DNAAF9: variants seen among roughly 807,000 people sequenced by gnomAD.
DNAAF9 encodes the protein dynein axonemal assembly factor 9, also known as shulin.
In DNAAF9, 90 loss-of-function variants were observed where a neutral mutation model predicts 167.0. That is an observed-to-expected ratio of 0.54 (90% CI 0.45 to 0.64). The LOEUF (loss-of-function observed/expected upper bound fraction) is 0.64, where lower values mean the gene tolerates loss of function less well. DNAAF9 is among the 30% of genes least tolerant of loss of function. The pLI is 0.00. For synonymous variants in DNAAF9, 491 were observed against 508.8 expected, an observed-to-expected ratio of 0.96 and a Z score of 0.47; for missense variants, 1,315 against 1,442.2, an observed-to-expected ratio of 0.91 and a Z score of 1.43.
chr20:3,395,650 T>C (rs919169595), intron 1 of DNAAF9, among the ~76,000 whole-genome samples: 5 of 152,156 alleles, frequency 3.3e-5, no homozygotes, highest in Non-Finnish European at 5.9e-5. Flanking sequence ...TGCTGGGAAT[T>C]TGTATTATAA....
At chr20:3,270,155 T>TA (rs397696264) in intron 30 of DNAAF9, among the ~76,000 whole-genome samples, 2 of 148,776 alleles carry the variant, frequency 1.3e-5, no homozygotes, top group Non-Finnish European at 3.0e-5. Flanking sequence ...TTTTTTTTTT[T>TA]AAAGAGATGG....
intron 6 of DNAAF9, among the ~76,000 whole-genome samples, chr20:3,369,986 T>G (rs1352365324): frequency 6.6e-6 from 1 of 152,146 alleles, no homozygotes; most frequent in African/African-American, 2.4e-5. Context: ...AAAAAAAAAT[T>G]GATCTTTTTC....
At chr20:3,394,872 C>T (rs1465864252) in intron 1 of DNAAF9, among the ~76,000 whole-genome samples, 2 of 146,570 alleles carry the variant, frequency 1.4e-5, no homozygotes, top group African/African-American at 5.0e-5. Context: ...ATACAGATTA[C>T]TTTTATAGCT....
rs1189493137 is a variant in DNAAF9, at chr20:3,251,547, C to T, written c.*1025G>A. 7.2e-5 allele frequency: 11 copies of T among 152,220 alleles called. No homozygotes were observed. Among genetic ancestry groups the T allele is most frequent in the Admixed American group, 7.2e-4 (11 of 15,262 alleles). The allele number at this position is 152,220 out of a possible 1,614,324, so 9.4% of individuals were successfully genotyped here. ...GATGCCATTAGAAGGAATTCTAACT[C>T]AGGTATTGCAATTATTTGAAATTCC... On this transcript the variant is annotated 3_prime_UTR_variant, in exon 37 of 37. Coordinates refer to ENST00000252032, the MANE Select transcript of DNAAF9 (RefSeq NM_001009984.3).
chr20:3,396,671 A>G (rs1379275799), intron 1 of DNAAF9, among the ~76,000 whole-genome samples: 1 of 152,178 alleles, frequency 6.6e-6, no homozygotes, highest in Non-Finnish European at 1.5e-5. Context: ...AGCACAAGCT[A>G]TGCAGCAAGG....
At position 3,361,810 on chromosome 20, in the gene DNAAF9, A is replaced by G. The variant is rs139465992; in HGVS notation, c.613-2217T>C. 139 of 1,334,652 alleles carry G rather than the reference A, an allele frequency of 1.0e-4. No homozygotes were observed. The East Asian group carries it at 3.0e-3, about 28-fold the overall frequency. 82.7% of individuals were successfully genotyped at this position (1,334,652 alleles called of 1,614,324 possible). On this transcript the variant is annotated intron_variant, in intron 6 of 36. Coordinates refer to ENST00000252032, the MANE Select transcript of DNAAF9 (RefSeq NM_001009984.3). ...ACAAGACATATCTAGAAAATTTACT[A>G]CTGAAAAATGAAGACTGCTTAAATC... is the stretch of plus-strand genomic sequence containing the variant.
intron 21 of DNAAF9, among the ~76,000 whole-genome samples, chr20:3,298,847 A>T (rs1223801879): frequency 6.6e-6 from 1 of 151,822 alleles, no homozygotes; most frequent in East Asian, 1.9e-4. Context: ...ATCATTGCCA[A>T]ATCCAGTATC....
chr20:3,294,421 A>G, intron 24 of DNAAF9, 107 bp downstream of exon 24: 1 of 824,222 alleles, frequency 1.2e-6, no homozygotes, highest in Non-Finnish European at 2.0e-6. Flanking sequence ...TTTTACAGTG[A>G]TCTCTAAGAA....
chr20:3,399,445 C>T (rs1413384680), intron 1 of DNAAF9, among the ~76,000 whole-genome samples: 1 of 151,992 alleles, frequency 6.6e-6, no homozygotes, highest in Non-Finnish European at 1.5e-5. Flanking sequence ...ACTGACCTTG[C>T]GATCCGCCCG....
rs1336484684 is a variant in DNAAF9 at position 3,407,467 on chromosome 20, C to T, written c.83+8G>A. The stretch of plus-strand genomic sequence containing the variant: ...CGGCCGCCCCTCGGCTGCCTCTGCC[C>T]CGCGTACCTGACGGAGGGTGACCCG... On this transcript the variant is annotated splice_region_variant and intron_variant, in intron 1 of 36. Coordinates refer to ENST00000252032, the MANE Select transcript of DNAAF9 (RefSeq NM_001009984.3). The T allele has an allele frequency of 1.5e-6, 2 of 1,312,266 alleles. No homozygotes were observed. The highest frequency in any genetic ancestry group is 1.5e-5 in the African/African-American group (1 of 64,966). The allele number at this position is 1,312,266 out of a possible 1,614,324, so 81.3% of individuals were successfully genotyped here.
intron 7 of DNAAF9, among the ~76,000 whole-genome samples, chr20:3,351,724 G>A (rs2070328896): frequency 6.6e-6 from 1 of 152,166 alleles, no homozygotes; most frequent in African/African-American, 2.4e-5. Flanking sequence ...ATTCACGATA[G>A]TGTTATTCTT....
rs117715773 is a variant in DNAAF9, at chr20:3,287,096, G to C, written c.2486+536C>G. ...CACACTCAAAATAATCATGCTTACA[G>C]AGACTTCATGAGCTAGTCAGCCTAT... On this transcript the variant is annotated intron_variant, in intron 27 of 36. Transcript: ENST00000252032. Among the ~76,000 whole-genome samples the C allele has an allele frequency of 1.5e-4, 23 of 152,294 alleles. No individual in the cohort carries two copies. In the East Asian group the frequency reaches 4.4e-3, roughly 29 times the overall value.
At chr20:3,301,388 A>T (rs1453004839) in intron 21 of DNAAF9, among the ~76,000 whole-genome samples, 1 of 151,994 alleles carries the variant, frequency 6.6e-6, no homozygotes, top group Non-Finnish European at 1.5e-5. Flanking sequence ...GCATTTCACC[A>T]TGCTGGCCAG....
At chr20:3,302,978 C>A (rs1239300290) in intron 21 of DNAAF9, among the ~76,000 whole-genome samples, 2 of 152,056 alleles carry the variant, frequency 1.3e-5, no homozygotes, top group African/African-American at 4.8e-5. Flanking sequence ...GTGGCTCATG[C>A]CTGTAATCCC....
chr20:3,343,840 C>CGTGTGTGT, intron 8 of DNAAF9, 109 bp from the exon 9 acceptor site: 1 of 652,926 alleles, frequency 1.5e-6, no homozygotes, highest in South Asian at 1.9e-5. Flanking sequence ...GAGTGCACAG[C>CGTGTGTGT]GTGTGTGTGT....
At chr20:3,292,871 G>C (rs1458759557) in intron 25 of DNAAF9, among the ~76,000 whole-genome samples, 1 of 151,914 alleles carries the variant, frequency 6.6e-6, no homozygotes, top group Non-Finnish European at 1.5e-5. Context: ...GTGTGAACCA[G>C]GTCAGGAGCT....
At position 3,264,160 on chromosome 20, in the gene DNAAF9, G is replaced by A. The variant is rs554858762; in HGVS notation, c.2873+278C>T. Reference sequence around the variant, plus strand: ...GCCAGGCACTTTGCCCTCAGTAGGGGCTGGAGGAACACAGGGCACAGCGGT... The same window carrying A: ...GCCAGGCACTTTGCCCTCAGTAGGGACTGGAGGAACACAGGGCACAGCGGT... On this transcript the variant is annotated intron_variant, in intron 31 of 36. Coordinates refer to ENST00000252032, the MANE Select transcript of DNAAF9 (RefSeq NM_001009984.3). Among the ~76,000 whole-genome samples the A allele has an allele frequency of 1.5e-4, 23 of 152,360 alleles. No individual in the cohort carries two copies. The South Asian group carries it at 4.3e-3, about 29-fold the overall frequency.
At chr20:3,294,420 G>C (rs1387526916) in intron 24 of DNAAF9, 108 bp downstream of exon 24, 2 of 822,168 alleles carry the variant, frequency 2.4e-6, no homozygotes, top group East Asian at 4.9e-5. Context: ...ATTTTACAGT[G>C]ATCTCTAAGA....
Position 3,281,701 on chromosome 20 carries a change from G to A in DNAAF9, c.2552C>T (p.Ser851Phe), listed in dbSNP as rs1568575581. 2 of 1,612,948 alleles carry A rather than the reference G, an allele frequency of 1.2e-6. No homozygotes were observed. Among genetic ancestry groups the A allele is most frequent in the East Asian group, 2.2e-5 (1 of 44,790 alleles). ...TGCTGTGATGGCACCAATGGTGAAG[G>A]AGGCCTTGACATTTGAGTCTGGGTG... Reference protein sequence around the residue: ...QTHPDSNVKASFTIGAITACV... With the variant: ...QTHPDSNVKAFFTIGAITACV... Residue 851 changes from serine (S) to phenylalanine (F), a missense_variant, in exon 28 of 37, where the codon TCC becomes TTC. By Grantham distance (155) the Ser-to-Phe change is radical. Transcript: ENST00000252032.
Sources: gnomAD v4.1 joint callset for allele counts (sites outside exome capture counted in the v4.1 genomes callset) on GRCh38, gnomAD v4.1.1 for gene constraint, MANE v1.5 for transcripts, NCBI Gene and HGNC (gene_info 2026-07-23, HGNC 2026-07-21) for gene names.